The following SPAG6 variants were observed in gnomAD, a reference collection of about 807,000 sequenced individuals.
The protein encoded by SPAG6 is sperm-associated antigen 6.
A neutral mutation model predicts 58.5 loss-of-function variants in SPAG6; 49 were observed. The ratio of observed to expected loss-of-function variants is 0.84; its 90% CI spans 0.67 to 1.06. The LOEUF is 1.06. Among genes scored for constraint, SPAG6 ranks in the 50% least tolerant of loss-of-function variants. SPAG6 has a pLI of 0.00. For synonymous variants in SPAG6, 233 were observed against 225.6 expected (o/e 1.03, Z -0.29); for missense variants, 560 against 611.3 (o/e 0.92, Z 0.89).
At chr10:22,381,719 G>A (rs1269471871) in intron 4 of SPAG6, among the ~76,000 whole-genome samples, 2 of 152,080 alleles carry the variant, frequency 1.3e-5, no homozygotes, top group Admixed American at 6.6e-5. Context: ...ACTATGCTAA[G>A]GGGCATTCCT....
chr10:22,399,265 T>G (rs918198589), intron 8 of SPAG6, among the ~76,000 whole-genome samples: 21 of 152,222 alleles, frequency 1.4e-4, no homozygotes, highest in African/African-American at 5.1e-4. Flanking sequence ...ATTTTCATCA[T>G]CCCAGAAGGA....
Position 22,411,022 on chromosome 10 carries a change from C to T in SPAG6, c.1315-9C>T. The T allele has an allele frequency of 6.2e-7, 1 of 1,606,854 alleles. No individual in the cohort carries two copies. The highest frequency in any genetic ancestry group is 1.1e-5 in the South Asian group (1 of 89,266). On this transcript the variant is annotated splice_polypyrimidine_tract_variant and intron_variant, in intron 9 of 10. Coordinates refer to ENST00000376624, the MANE Select transcript of SPAG6 (RefSeq NM_012443.4). ...AAAAGCTGACATTTTATGTGCTTCA[C>T]TTTGCAAGGTGCTGCCGCATGATAG...
intron 2 of SPAG6, among the ~76,000 whole-genome samples, chr10:22,346,831 A>G (rs919144429): frequency 2.6e-5 from 4 of 152,176 alleles, no homozygotes; most frequent in Non-Finnish European, 5.9e-5. Context: ...TTTACAATAA[A>G]GTATATTTTA....
intron 4 of SPAG6, among the ~76,000 whole-genome samples, chr10:22,378,744 T>G (rs984562254): frequency 6.6e-6 from 1 of 152,182 alleles, no homozygotes; most frequent in Non-Finnish European, 1.5e-5. Flanking sequence ...TAACCAAGTG[T>G]TTTTGTTTTG....
intron 3 of SPAG6, among the ~76,000 whole-genome samples, chr10:22,367,504 C>A (rs994364039): frequency 2.0e-5 from 3 of 152,034 alleles, no homozygotes; most frequent in African/African-American, 7.2e-5. Flanking sequence ...TCTAAGTGAA[C>A]AGAATGCTTT....
In SPAG6 at chr10:22,356,775, T is replaced by G. The variant is rs952535423; in HGVS notation, c.122-8078T>G. On this transcript the variant is annotated intron_variant, in intron 2 of 10. Transcript: ENST00000376624. ...TACCATTCTCCAGGCTATCTTCATA[T>G]CTGGCTCGGTAACTATGATAGTTTC... is the stretch of plus-strand genomic sequence containing the variant. Among the ~76,000 whole-genome samples, 18 of 152,212 alleles carry G rather than the reference T, an allele frequency of 1.2e-4. 1 individual carries two copies. The highest frequency in any genetic ancestry group is 1.5e-5 in the Non-Finnish European group (1 of 68,038).
rs534086532 is a variant in SPAG6, at chr10:22,393,349, A to G, written c.1197+1429A>G. ...ATGAGCTAGAGCATAAATCATTAAT[A>G]GTGGACTCAATAGTAATTTCAGCTT... On this transcript the variant is annotated intron_variant, in intron 8 of 10. Coordinates refer to ENST00000376624, the MANE Select transcript of SPAG6 (RefSeq NM_012443.4). Among the ~76,000 whole-genome samples, 4 of 152,286 alleles carry G rather than the reference A, an allele frequency of 2.6e-5. No homozygotes were observed. In the South Asian group the frequency reaches 8.3e-4, roughly 32 times the overall value.
At chr10:22,412,408 A>T (rs1834763152) in intron 10 of SPAG6, 1 of 1,128,042 alleles carries the variant, frequency 8.9e-7, no homozygotes, top group African/African-American at 1.6e-5. Context: ...CAATTTTAAG[A>T]TTAAAATTTG....
chr10:22,398,520 G>A (rs567071174), intron 8 of SPAG6, among the ~76,000 whole-genome samples: 31 of 152,280 alleles, frequency 2.0e-4, no homozygotes, highest in African/African-American at 6.0e-4. Flanking sequence ...GAGGTTAGGC[G>A]TTTTGAGACC....
chr10:22,372,702 A>G (rs1181148244), intron 4 of SPAG6, among the ~76,000 whole-genome samples: 3 of 152,274 alleles, frequency 2.0e-5, no homozygotes, highest in East Asian at 3.9e-4. Context: ...TTTTGTGTGA[A>G]TAGTCTTCCA....
chr10:22,371,996 C>T (rs1373513081), intron 4 of SPAG6, among the ~76,000 whole-genome samples: 1 of 152,002 alleles, frequency 6.6e-6, no homozygotes, highest in Non-Finnish European at 1.5e-5. Flanking sequence ...GTAATGTTTA[C>T]CTCTGACTTT....
intron 8 of SPAG6, among the ~76,000 whole-genome samples, chr10:22,392,859 A>ACTTT (rs1834212792): frequency 6.6e-6 from 1 of 152,106 alleles, no homozygotes; most frequent in Admixed American, 6.6e-5. Flanking sequence ...AAATTTATGT[A>ACTTT]TATTTGGTCA....
intron 6 of SPAG6, 60 bp downstream of exon 6, chr10:22,388,056 ACAT>A: frequency 3.6e-6 from 5 of 1,401,950 alleles, no homozygotes; most frequent in Non-Finnish European, 4.9e-6. Flanking sequence ...TTTAAATAAA[ACAT>A]CAATTTGTTT....
intron 10 of SPAG6, chr10:22,412,322 A>C (rs372427086): frequency 2.6e-5 from 15 of 573,844 alleles, no homozygotes; most frequent in African/African-American, 5.7e-5. Flanking sequence ...AAGTTGCAAC[A>C]TGTCTGTTAA....
rs1415554452 is a variant in SPAG6, at chr10:22,416,855, A to C, written c.*167A>C. 6.1e-6 allele frequency: 3 copies of C among 492,500 alleles called. No individual in the cohort carries two copies. Among genetic ancestry groups the C allele is most frequent in the African/African-American group, 5.8e-5 (3 of 51,680 alleles). The allele number at this position is 492,500 out of a possible 1,614,324, so 30.5% of individuals were successfully genotyped here. A position where few individuals can be genotyped will look rare whatever the true frequency, so the allele number is the denominator to read the frequency against. On this transcript the variant is annotated 3_prime_UTR_variant, in exon 11 of 11. Transcript: ENST00000376624. Reference sequence around the variant, plus strand: ...TAATACTTTAAACATTCGTAGCTTGAATATGTGAGGAACTATTCATGGTCA... The same window carrying C: ...TAATACTTTAAACATTCGTAGCTTGCATATGTGAGGAACTATTCATGGTCA...
chr10:22,378,965 A>AATGT (rs777634325), intron 4 of SPAG6, among the ~76,000 whole-genome samples: 4 of 152,142 alleles, frequency 2.6e-5, no homozygotes, highest in Non-Finnish European at 5.9e-5. Flanking sequence ...CTTTAAAGCA[A>AATGT]ATGTATGTAT....
At chr10:22,397,249 TAA>T (rs745436265) in intron 8 of SPAG6, among the ~76,000 whole-genome samples, 2 of 151,982 alleles carry the variant, frequency 1.3e-5, no homozygotes, top group Non-Finnish European at 2.9e-5. Context: ...ATAGAACTAA[TAA>T]GAGTTCAACA....
chr10:22,387,003 T>C, intron 5 of SPAG6, 44 bp downstream of exon 5: 1 of 1,449,202 alleles, frequency 6.9e-7, no homozygotes, highest in Non-Finnish European at 9.7e-7. Flanking sequence ...CTTCTTATAA[T>C]GTAAGAAAAT....
chr10:22,368,240 A>G (rs2132053959), intron 3 of SPAG6, among the ~76,000 whole-genome samples: 1 of 152,344 alleles, frequency 6.6e-6, no homozygotes, highest in African/African-American at 2.4e-5. Flanking sequence ...ACAATTTCCA[A>G]ATGCAGGCTT....
Sources: gnomAD v4.1 joint callset for allele counts (sites outside exome capture counted in the v4.1 genomes callset) on GRCh38, gnomAD v4.1.1 for gene constraint, MANE v1.5 for transcripts, NCBI Gene and HGNC (gene_info 2026-07-23, HGNC 2026-07-21) for gene names.